The following TNS3 variants were observed in gnomAD, a reference collection of about 807,000 sequenced individuals.
TNS3 encodes the protein tensin-3.
A neutral mutation model predicts 140.9 loss-of-function variants in TNS3; 45 were observed. The ratio of observed to expected loss-of-function variants is 0.32; its 90% confidence interval spans 0.25 to 0.41. TNS3 has a LOEUF of 0.41. Ranked by LOEUF, TNS3 falls within the 10% of genes least tolerant of loss-of-function variation. The pLI, the probability that TNS3 is intolerant of heterozygous loss-of-function variation, is 1.00. For synonymous variants in TNS3, 815 were observed against 788.4 expected (o/e 1.03, Z -0.56); for missense variants, 1,716 against 1,906.7 (o/e 0.90, Z 1.86).
At chr7:47,483,256 G>T (rs1344448194) in intron 3 of TNS3, among the ~76,000 whole-genome samples, 1 of 150,702 alleles carries the variant, frequency 6.6e-6, no homozygotes, top group African/African-American at 2.4e-5. Context: ...TGCAAGCTCC[G>T]CCTCCCGGGT....
At chr7:47,286,860 A>G (rs1479345111) in intron 27 of TNS3, among the ~76,000 whole-genome samples, 1 of 152,168 alleles carries the variant, frequency 6.6e-6, no homozygotes, top group East Asian at 1.9e-4. Flanking sequence ...GGGTAAACTT[A>G]TTATGCTAAG....
chr7:47,276,907 C>T lies in TNS3; in HGVS notation c.*1169G>A, dbSNP rs1784892856. ...GCAGCACAAAGAGGGCTGATAAATGCAGGCGAACTTCAGGTCGTGCAGCTT... is the reference window on the plus strand; with the variant it reads ...GCAGCACAAAGAGGGCTGATAAATGTAGGCGAACTTCAGGTCGTGCAGCTT... On this transcript the variant is annotated 3_prime_UTR_variant, in exon 31 of 31. Coordinates refer to ENST00000311160, the MANE Select transcript of TNS3 (RefSeq NM_022748.12). 1 of 152,224 alleles carries T rather than the reference C, an allele frequency of 6.6e-6. No individual in the cohort carries two copies. The highest frequency in any genetic ancestry group is 1.5e-5 in the Non-Finnish European group (1 of 68,044). The allele number at this position is 152,224 out of a possible 1,614,324, so 9.4% of individuals were successfully genotyped here. A position where few individuals can be genotyped will look rare whatever the true frequency, so the allele number is the denominator to read the frequency against.
At chr7:47,502,078 G>A (rs909851017) in intron 3 of TNS3, among the ~76,000 whole-genome samples, 5 of 152,162 alleles carry the variant, frequency 3.3e-5, no homozygotes, top group African/African-American at 1.2e-4. Flanking sequence ...AGATGGCAAA[G>A]CACCAAAAAG....
intron 2 of TNS3, among the ~76,000 whole-genome samples, chr7:47,522,306 C>G (rs1799010679): frequency 6.6e-6 from 1 of 152,206 alleles, no homozygotes; most frequent in South Asian, 2.1e-4. Flanking sequence ...CATTTCAGAT[C>G]TGCCCACCTC....
intron 1 of TNS3, among the ~76,000 whole-genome samples, chr7:47,573,630 C>T (rs1469428065): frequency 6.6e-6 from 1 of 152,144 alleles, no homozygotes; most frequent in African/African-American, 2.4e-5. Context: ...TCCCTCACCT[C>T]CCCCAGCCCA....
At chr7:47,467,640 C>T (rs1796774733) in intron 4 of TNS3, among the ~76,000 whole-genome samples, 1 of 152,052 alleles carries the variant, frequency 6.6e-6, no homozygotes, top group Non-Finnish European at 1.5e-5. Flanking sequence ...AGTTTCTGCC[C>T]AAAAAGCTCA....
chr7:47,529,242 G>T, intron 1 of TNS3, 95 bp from the exon 2 acceptor site: 2 of 678,824 alleles, frequency 2.9e-6, no homozygotes, highest in Non-Finnish European at 4.2e-6. Context: ...TAGTGGAATT[G>T]TAAAGAGCAA....
At chr7:47,379,091 T>C (rs1366309762) in intron 16 of TNS3, among the ~76,000 whole-genome samples, 2 of 151,738 alleles carry the variant, frequency 1.3e-5, no homozygotes, top group Non-Finnish European at 1.5e-5. Context: ...CAAGGCAGGG[T>C]TGAATGGGGT....
chr7:47,462,265 C>A (rs139780384), intron 4 of TNS3, among the ~76,000 whole-genome samples: 2 of 152,312 alleles, frequency 1.3e-5, no homozygotes, highest in East Asian at 3.9e-4. Flanking sequence ...CAGTAACGAT[C>A]ATTGTCACAG....
Position 47,299,857 on chromosome 7 carries a change from C to T in TNS3, c.3544+2329G>A, listed in dbSNP as rs534363800. Among the ~76,000 whole-genome samples, 12 of 152,356 alleles carry T rather than the reference C, an allele frequency of 7.9e-5. 1 individual carries two copies. The South Asian group carries it at 1.5e-3, about 18-fold the overall frequency. ...TCCACCCTGGCACTGGCATCGCATT[C>T]CTCACCTGGAGACAGGGATGAGGGG... On this transcript the variant is annotated intron_variant, in intron 23 of 30. Coordinates refer to ENST00000311160, the MANE Select transcript of TNS3 (RefSeq NM_022748.12).
intron 16 of TNS3, among the ~76,000 whole-genome samples, chr7:47,382,760 C>A (rs1416399288): frequency 6.6e-6 from 1 of 151,288 alleles, no homozygotes; most frequent in Non-Finnish European, 1.5e-5. Context: ...GAAAAGTGGA[C>A]TCTCCATATA....
intron 13 of TNS3, among the ~76,000 whole-genome samples, chr7:47,401,921 C>T (rs556315463): frequency 1.3e-5 from 2 of 152,230 alleles, no homozygotes; most frequent in African/African-American, 2.4e-5. Flanking sequence ...CAGGTACCTC[C>T]CCAACCCCGA....
At chr7:47,558,186 T>C (rs182121520) in intron 1 of TNS3, among the ~76,000 whole-genome samples, 1 of 152,234 alleles carries the variant, frequency 6.6e-6, no homozygotes, top group Admixed American at 6.5e-5. Context: ...GAGCCTCTTG[T>C]AGGTTCCCAA....
chr7:47,334,937 C>G (rs1186265310), intron 20 of TNS3, among the ~76,000 whole-genome samples: 3 of 152,188 alleles, frequency 2.0e-5, no homozygotes, highest in Non-Finnish European at 2.9e-5. Context: ...GAAACCTTTT[C>G]TCATGTCTTT....
chr7:47,452,789 G>A (rs935436444), intron 4 of TNS3: 15 of 385,032 alleles, frequency 3.9e-5, no homozygotes, highest in Non-Finnish European at 4.6e-5. Flanking sequence ...CAGCATTGAA[G>A]TGAAAGGGGA....
At chr7:47,352,285 TAC>T (rs1227240045) in intron 17 of TNS3, among the ~76,000 whole-genome samples, 1 of 152,166 alleles carries the variant, frequency 6.6e-6, no homozygotes, top group African/African-American at 2.4e-5. Flanking sequence ...TTTTTCATGA[TAC>T]ACACATTGTC....
chr7:47,495,696 G>A (rs1297919585), intron 3 of TNS3, among the ~76,000 whole-genome samples: 2 of 152,232 alleles, frequency 1.3e-5, no homozygotes, highest in Admixed American at 6.5e-5. Flanking sequence ...CTGCCAGAAA[G>A]TCCCGGAGAT....
intron 4 of TNS3, among the ~76,000 whole-genome samples, chr7:47,466,995 C>T (rs376972605): frequency 6.6e-6 from 1 of 152,254 alleles, no homozygotes; most frequent in Non-Finnish European, 1.5e-5. Flanking sequence ...GTGGTGATGA[C>T]GGTGGTAATG....
chr7:47,281,863 G>A (rs192285227), intron 28 of TNS3, among the ~76,000 whole-genome samples: 1 of 152,162 alleles, frequency 6.6e-6, no homozygotes, highest in African/African-American at 2.4e-5. Context: ...CTGACCCTGA[G>A]TCTACCATGT....
Sources: gnomAD v4.1 joint callset for allele counts (sites outside exome capture counted in the v4.1 genomes callset) on GRCh38, gnomAD v4.1.1 for gene constraint, MANE v1.5 for transcripts, NCBI Gene and HGNC (gene_info 2026-07-23, HGNC 2026-07-21) for gene names.